Variants in CMTM8 observed in about 807,000 individuals in gnomAD.
CMTM8 encodes the protein CKLF-like MARVEL transmembrane domain-containing protein 8.
Under a neutral mutation model 18.6 loss-of-function variants are expected in CMTM8, and 12 were observed. That is an observed-to-expected ratio of 0.65 (90% CI 0.41 to 1.05). The LOEUF (loss-of-function observed/expected upper bound fraction) is 1.05. Ranked by LOEUF, CMTM8 falls within the 50% of genes least tolerant of loss-of-function variation. CMTM8 has a pLI of 0.00. For missense variants in CMTM8, 217 were observed against 227.2 expected, an observed-to-expected ratio of 0.95 and a Z score of 0.29; for synonymous variants, 87 against 90.6, an observed-to-expected ratio of 0.96 and a Z score of 0.23.
intron 2 of CMTM8, among the ~76,000 whole-genome samples, chr3:32,364,909 GC>G (rs1697003275): frequency 6.6e-6 from 1 of 152,216 alleles, no homozygotes; most frequent in South Asian, 2.1e-4. Flanking sequence ...GGGGATGTTC[GC>G]AGCAGTGATG....
chr3:32,310,213 G>C (rs1695794164), intron 1 of CMTM8, among the ~76,000 whole-genome samples: 1 of 151,698 alleles, frequency 6.6e-6, no homozygotes, highest in Non-Finnish European at 1.5e-5. Context: ...TTTGAAATTA[G>C]GTACTCAACT....
At chr3:32,253,353 T>C (rs1702138234) in intron 1 of CMTM8, among the ~76,000 whole-genome samples, 1 of 150,490 alleles carries the variant, frequency 6.6e-6, no homozygotes, top group Non-Finnish European at 1.5e-5. Flanking sequence ...TCTTTTTTTT[T>C]TTTTTTTGGA....
chr3:32,269,481 T>G (rs1702402110), intron 1 of CMTM8, among the ~76,000 whole-genome samples: 1 of 152,250 alleles, frequency 6.6e-6, no homozygotes, highest in Non-Finnish European at 1.5e-5. Flanking sequence ...AACTTCCTTT[T>G]ATGTGATTAG....
chr3:32,369,898 G>T lies in CMTM8; in HGVS notation c.453G>T (p.Leu151=), dbSNP rs1695615182. 1.2e-6 allele frequency: 2 copies of T among 1,607,974 alleles called. No individual in the cohort carries two copies. The highest frequency in any genetic ancestry group is 2.7e-5 in the African/African-American group (2 of 74,804). Residue 151 remains leucine (L), a synonymous_variant, in exon 4 of 4, where the codon CTG becomes CTT. Coordinates refer to ENST00000307526, the MANE Select transcript of CMTM8 (RefSeq NM_178868.5). ...SWAASSFFAF[L]VTICYAGNTY... is the part of the protein sequence containing the mutation. ...GTTTTCTCCAGTTCTTTGCCTTCCT[G>T]GTCACCATCTGCTACGCTGGAAATA...
chr3:32,268,431 C>T, intron 1 of CMTM8, among the ~76,000 whole-genome samples: 1 of 152,152 alleles, frequency 6.6e-6, no homozygotes. Flanking sequence ...ACATCACACC[C>T]CGGGGCCTGT....
intron 1 of CMTM8, among the ~76,000 whole-genome samples, chr3:32,328,136 A>G (rs1282511143): frequency 6.6e-6 from 1 of 152,170 alleles, no homozygotes; most frequent in East Asian, 1.9e-4. Context: ...GCACTTTGGG[A>G]GCCCAAGGCA....
intron 1 of CMTM8, among the ~76,000 whole-genome samples, chr3:32,318,564 ATTTTTT>A (rs1215037595): frequency 8.0e-6 from 1 of 125,294 alleles, no homozygotes; most frequent in Non-Finnish European, 1.7e-5. Context: ...GTCATTATTA[ATTTTTT>A]TTTTTTTTTT....
At position 32,267,784 on chromosome 3, in the gene CMTM8, G is replaced by A. The variant is rs867148354; in HGVS notation, c.147+28665G>A. On this transcript the variant is annotated intron_variant, in intron 1 of 3. Transcript: ENST00000307526. ...AAAACAACCCCATCAAAAAGTGGGC[G>A]AAGGATATGAACAGACACTTCTCAA... 1.4e-4 allele frequency among the ~76,000 whole-genome samples: 22 copies of A among 152,220 alleles called. No homozygotes were observed. In the Middle Eastern group the frequency reaches 0.01, roughly 71 times the overall value.
chr3:32,253,208 C>G (rs1702136402), intron 1 of CMTM8, among the ~76,000 whole-genome samples: 1 of 152,164 alleles, frequency 6.6e-6, no homozygotes, highest in Admixed American at 6.5e-5. Flanking sequence ...TTATTAATAT[C>G]ACATCTAGGG....
intron 1 of CMTM8, among the ~76,000 whole-genome samples, chr3:32,331,348 C>A (rs1575179952): frequency 6.6e-6 from 1 of 152,050 alleles, no homozygotes; most frequent in African/African-American, 2.4e-5. Context: ...GAAATTGGGA[C>A]CTTTGTGCCT....
intron 1 of CMTM8, among the ~76,000 whole-genome samples, chr3:32,350,491 G>A (rs888007496): frequency 1.3e-5 from 2 of 150,842 alleles, no homozygotes; most frequent in African/African-American, 4.9e-5. Flanking sequence ...CCGAGTAGCT[G>A]GGATTACAGG....
chr3:32,329,094 A>G lies in CMTM8; in HGVS notation c.148-28279A>G, dbSNP rs181032797. ...CAAAAAAAAATTTTTTTTTTCCAAT[A>G]CAGAGTCTAGCTCTGTCACCCAGGC... On this transcript the variant is annotated intron_variant, in intron 1 of 3. Transcript: ENST00000307526. 5.9e-3 allele frequency among the ~76,000 whole-genome samples: 906 copies of G among 152,274 alleles called. 8 individuals are homozygous for G. The highest frequency in any genetic ancestry group is 0.02 in the African/African-American group (814 of 41,558).
intron 1 of CMTM8, chr3:32,259,573 C>T (rs1300617853): frequency 2.2e-6 from 2 of 891,876 alleles, no homozygotes; most frequent in East Asian, 4.8e-5. Flanking sequence ...AACTGCTCTT[C>T]ATGAAGAAGA....
At chr3:32,273,331 T>TACAC (rs142730128) in intron 1 of CMTM8, among the ~76,000 whole-genome samples, 55 of 151,012 alleles carry the variant, frequency 3.6e-4, no homozygotes, top group African/African-American at 1.2e-3. Context: ...TATGTATGTG[T>TACAC]ACACACACAC....
At chr3:32,271,054 A>C (rs1302151817) in intron 1 of CMTM8, among the ~76,000 whole-genome samples, 2 of 152,214 alleles carry the variant, frequency 1.3e-5, no homozygotes, top group African/African-American at 2.4e-5. Context: ...TAAAAAAGAA[A>C]TAGAACATTA....
Position 32,358,985 on chromosome 3 carries a change from T to C in CMTM8, c.321+1439T>C, listed in dbSNP as rs1255613425. Among the ~76,000 whole-genome samples, 1 of 152,232 alleles carries C rather than the reference T, an allele frequency of 6.6e-6. No homozygotes were observed. The highest frequency in any genetic ancestry group is 1.9e-4 in the East Asian group (1 of 5,198). ...AGGAATGCCATTTTGGACAAAGTTG[T>C]GTCCTAGGGTGGGTCTTGAAGAAAG... is the stretch of plus-strand genomic sequence containing the variant. On this transcript the variant is annotated intron_variant, in intron 2 of 3. Transcript: ENST00000307526. The surrounding 1 kb of genome is among the most constrained non-coding windows in gnomAD (Gnocchi z 4.1).
At chr3:32,240,369 G>C (rs1355586298) in intron 1 of CMTM8, among the ~76,000 whole-genome samples, 1 of 152,206 alleles carries the variant, frequency 6.6e-6, no homozygotes, top group African/African-American at 2.4e-5. Context: ...AAAGCTGAAG[G>C]TATTGGAATC....
chr3:32,336,258 G>A (rs1696383912), intron 1 of CMTM8, among the ~76,000 whole-genome samples: 1 of 152,224 alleles, frequency 6.6e-6, no homozygotes, highest in Non-Finnish European at 1.5e-5. Context: ...AAGGACAGAG[G>A]TGGAGCTATC....
At chr3:32,363,663 T>C (rs1696976988) in intron 2 of CMTM8, among the ~76,000 whole-genome samples, 1 of 152,234 alleles carries the variant, frequency 6.6e-6, no homozygotes, top group Non-Finnish European at 1.5e-5. Context: ...CCATCTCCTG[T>C]ATCCTGCAGC....
Sources: allele counts gnomAD v4.1 joint callset (sites outside exome capture counted in the v4.1 genomes callset), GRCh38; gene constraint gnomAD v4.1.1; non-coding constraint Gnocchi (gnomAD v3.1); transcripts MANE v1.5; gene names NCBI Gene and HGNC (gene_info 2026-07-23, HGNC 2026-07-21).